The following VPS41 variants were observed in gnomAD, a reference collection of about 807,000 sequenced individuals.
The protein encoded by VPS41 is VPS41 subunit of HOPS complex.
Under a neutral mutation model 130.9 loss-of-function variants are expected in VPS41, and 85 were observed. The observed-to-expected ratio is 0.65, with a 90% CI of 0.55 to 0.78. The LOEUF (loss-of-function observed/expected upper bound fraction) is 0.78. Among genes scored for constraint, VPS41 ranks in the 30% least tolerant of loss-of-function variants. VPS41 has a pLI of 0.00. For synonymous variants in VPS41, 335 were observed against 332.9 expected (o/e 1.01, Z -0.07); for missense variants, 874 against 1,018.7 (o/e 0.86, Z 1.93).
intron 1 of VPS41, among the ~76,000 whole-genome samples, chr7:38,901,398 C>G (rs1787140191): frequency 1.3e-5 from 2 of 152,146 alleles, no homozygotes; most frequent in Admixed American, 6.5e-5. Context: ...AAGCACGGCA[C>G]CAGCATCTGC....
Position 38,833,801 on chromosome 7 carries a change from A to T in VPS41, c.247-3473T>A, listed in dbSNP as rs528815843. On this transcript the variant is annotated intron_variant, in intron 4 of 28. Coordinates refer to ENST00000310301, the MANE Select transcript of VPS41 (RefSeq NM_014396.4). ...ATAAATTCTTGCAGAGAAAAAAAATAAAAAGGAAATGCTCCTCAACCCATT... is the reference window on the plus strand; with the variant it reads ...ATAAATTCTTGCAGAGAAAAAAAATTAAAAGGAAATGCTCCTCAACCCATT... Among the ~76,000 whole-genome samples the T allele has an allele frequency of 9.2e-5, 14 of 152,350 alleles. 1 individual carries two copies. In the South Asian group the frequency reaches 2.9e-3, roughly 32 times the overall value.
chr7:38,808,820 C>T (rs899139369), intron 7 of VPS41, among the ~76,000 whole-genome samples: 2 of 152,096 alleles, frequency 1.3e-5, no homozygotes, highest in African/African-American at 4.8e-5. Context: ...AACAAACACA[C>T]GAGGAAGCAC....
At chr7:38,730,661 T>G (rs1169748231) in intron 25 of VPS41, among the ~76,000 whole-genome samples, 1 of 152,120 alleles carries the variant, frequency 6.6e-6, no homozygotes, top group Non-Finnish European at 1.5e-5. Flanking sequence ...GTAAGAAAGA[T>G]AGCTAAGAAA....
chr7:38,804,175 C>G (rs1784790747), intron 7 of VPS41, among the ~76,000 whole-genome samples: 1 of 151,068 alleles, frequency 6.6e-6, no homozygotes, highest in Non-Finnish European at 1.5e-5. Context: ...GCAACACAGA[C>G]TTTTTTTTTT....
intron 23 of VPS41, 115 bp downstream of exon 23, chr7:38,745,444 G>A (rs1387971220): frequency 1.3e-6 from 1 of 778,000 alleles, no homozygotes; most frequent in Admixed American, 2.2e-5. Context: ...GTAAAAATAG[G>A]CTCATATTCT....
chr7:38,757,992 G>A (rs1413626487), intron 18 of VPS41, among the ~76,000 whole-genome samples: 1 of 152,146 alleles, frequency 6.6e-6, no homozygotes, highest in African/African-American at 2.4e-5. Context: ...TGACATTTGA[G>A]AGATTAAATT....
chr7:38,869,705 T>C (rs1330127520), intron 2 of VPS41, among the ~76,000 whole-genome samples: 2 of 152,168 alleles, frequency 1.3e-5, no homozygotes, highest in Non-Finnish European at 1.5e-5. Context: ...AAAGTTTACA[T>C]ATGGAGAACT....
chr7:38,811,195 AAAAC>A (rs993048007), intron 7 of VPS41, among the ~76,000 whole-genome samples: 34 of 152,254 alleles, frequency 2.2e-4, no homozygotes, highest in African/African-American at 7.5e-4. Context: ...AATCTATTTC[AAAAC>A]AAACAAAACA....
intron 1 of VPS41, among the ~76,000 whole-genome samples, chr7:38,899,669 T>G (rs1179554018): frequency 6.6e-6 from 1 of 151,998 alleles, no homozygotes; most frequent in Non-Finnish European, 1.5e-5. Flanking sequence ...GTTGGAAGAG[T>G]GAGGCTTAGA....
intron 4 of VPS41, among the ~76,000 whole-genome samples, chr7:38,847,141 T>C (rs933671199): frequency 6.6e-6 from 1 of 152,252 alleles, no homozygotes; most frequent in African/African-American, 2.4e-5. Flanking sequence ...CAGTGCTGTC[T>C]GTGGAGCCAG....
At position 38,801,844 on chromosome 7, in the gene VPS41, AT is replaced by A. The variant is rs759882085; in HGVS notation, c.451-4981del. On this transcript the variant is annotated intron_variant, in intron 7 of 28. Transcript: ENST00000310301. ...CTTTCCTTCTCTGACCATACACACA[AT>A]GCGTTTGCTACAGGAGGAGCTACAC... is the stretch of plus-strand genomic sequence containing the variant. 4.5e-4 allele frequency among the ~76,000 whole-genome samples: 68 copies of A among 152,346 alleles called. 1 individual carries two copies. The highest frequency in any genetic ancestry group is 6.2e-4 in the Non-Finnish European group (42 of 68,036).
At chr7:38,830,159 T>G (rs755386158) in intron 5 of VPS41, 95 bp downstream of exon 5, 2 of 770,510 alleles carry the variant, frequency 2.6e-6, no homozygotes, top group Non-Finnish European at 4.6e-6. Flanking sequence ...ATAATCAAGA[T>G]TGTCTTAATG....
chr7:38,820,238 C>T (rs1785145246), intron 6 of VPS41, among the ~76,000 whole-genome samples: 1 of 152,160 alleles, frequency 6.6e-6, no homozygotes, highest in African/African-American at 2.4e-5. Flanking sequence ...TCCTGTAATG[C>T]CCTGCCTAGA....
At chr7:38,851,469 G>A (rs1176639746) in intron 4 of VPS41, among the ~76,000 whole-genome samples, 6 of 152,276 alleles carry the variant, frequency 3.9e-5, no homozygotes, top group Middle Eastern at 3.4e-3. Context: ...ATAGAGCTGA[G>A]ATTCATCCAT....
rs371288461 is a variant in VPS41 at position 38,815,317 on chromosome 7, A to C, written c.450+2500T>G. ...TGGGCATCTGTAGTCCCAGCTACTCAGGAGGCTGAGGCAGGAGAATTCCTT... is the reference window on the plus strand; with the variant it reads ...TGGGCATCTGTAGTCCCAGCTACTCCGGAGGCTGAGGCAGGAGAATTCCTT... On this transcript the variant is annotated intron_variant, in intron 7 of 28. Coordinates refer to ENST00000310301, the MANE Select transcript of VPS41 (RefSeq NM_014396.4). 7.0e-4 allele frequency among the ~76,000 whole-genome samples: 106 copies of C among 152,204 alleles called. No individual in the cohort carries two copies. In the South Asian group the frequency reaches 0.022, roughly 31 times the overall value.
chr7:38,835,945 A>C (rs900251622), intron 4 of VPS41, among the ~76,000 whole-genome samples: 6 of 151,844 alleles, frequency 4.0e-5, no homozygotes, highest in Non-Finnish European at 7.4e-5. Context: ...CTTTTGCCCT[A>C]AATTCTAGTT....
intron 5 of VPS41, among the ~76,000 whole-genome samples, chr7:38,829,847 C>A (rs1027875553): frequency 7.2e-5 from 11 of 152,166 alleles, no homozygotes; most frequent in Non-Finnish European, 1.5e-4. Context: ...ACATTCATAA[C>A]TTGTGTGTGA....
At chr7:38,786,515 C>T (rs1784442232) in intron 10 of VPS41, among the ~76,000 whole-genome samples, 1 of 152,042 alleles carries the variant, frequency 6.6e-6, no homozygotes, top group Admixed American at 6.6e-5. Context: ...TTGTTACATC[C>T]CTCCCAAAAG....
chr7:38,904,935 G>A (rs1449392813), intron 1 of VPS41, among the ~76,000 whole-genome samples: 1 of 152,100 alleles, frequency 6.6e-6, no homozygotes, highest in Non-Finnish European at 1.5e-5. Context: ...AGATCAAAGG[G>A]TACCTGGGGA....
Sources: allele counts gnomAD v4.1 joint callset (sites outside exome capture counted in the v4.1 genomes callset), GRCh38; gene constraint gnomAD v4.1.1; transcripts MANE v1.5; gene names NCBI Gene and HGNC (gene_info 2026-07-23, HGNC 2026-07-21).